THSD1: variants seen among roughly 807,000 people sequenced by gnomAD.
THSD1 encodes the protein thrombospondin type-1 domain-containing protein 1.
In THSD1, 34 loss-of-function variants were observed where a neutral mutation model predicts 46.3. The observed-to-expected ratio is 0.74, with a 90% CI of 0.56 to 0.98. The LOEUF is 0.98. Among genes scored for constraint, THSD1 ranks in the 50% least tolerant of loss-of-function variants. The probability of loss-of-function intolerance (pLI) is 0.00; values close to 1 mark genes in which losing one functional copy is unlikely to be tolerated. For missense variants in THSD1, 1,023 were observed against 1,058.3 expected (o/e 0.97, Z 0.46); for synonymous variants, 407 against 416.5 (o/e 0.98, Z 0.28).
intron 3 of THSD1, 83 bp from the exon 4 acceptor site, chr13:52,386,269 C>A: frequency 6.9e-7 from 1 of 1,442,376 alleles, no homozygotes; most frequent in Non-Finnish European, 9.5e-7. Context: ...CAGCAAAACT[C>A]AAATCTCAGG....
intron 3 of THSD1, among the ~76,000 whole-genome samples, chr13:52,392,220 A>G (rs1270566919): frequency 6.7e-6 from 1 of 149,966 alleles, no homozygotes; most frequent in Non-Finnish European, 1.5e-5. Flanking sequence ...AAGTAAAATC[A>G]TAGCATGTAG....
intron 3 of THSD1, among the ~76,000 whole-genome samples, chr13:52,396,319 C>G (rs999639863): frequency 6.6e-5 from 10 of 152,018 alleles, no homozygotes; most frequent in Admixed American, 2.0e-4. Context: ...GTCAGGAGAT[C>G]GAGACCATCC....
At chr13:52,392,565 T>C (rs1309898619) in intron 3 of THSD1, among the ~76,000 whole-genome samples, 1 of 152,260 alleles carries the variant, frequency 6.6e-6, no homozygotes, top group Non-Finnish European at 1.5e-5. Flanking sequence ...ATACATGTGC[T>C]CACACTACAT....
Position 52,377,656 on chromosome 13 carries a change from T to C in THSD1, c.2314A>G (p.Arg772Gly). 1 of 1,610,276 alleles carries C rather than the reference T, an allele frequency of 6.2e-7. No individual in the cohort carries two copies. The part of the protein sequence containing the change: ...GPSPSHKSVS[R>G]KQSSPISPKD... ...GGGGATATGGGAGAAGACTGCTTCC[T>C]TGAGACACTCTTGTGACTGGGGGAC... The change falls in exon 5 of 5, where the codon AGG becomes GGG. Residue 772 changes from arginine to glycine, a missense_variant. Transcript: ENST00000258613.
chr13:52,405,033 G>C (rs1401349731), intron 1 of THSD1, among the ~76,000 whole-genome samples: 7 of 152,106 alleles, frequency 4.6e-5, no homozygotes, highest in Non-Finnish European at 1.0e-4. Context: ...TCAACATGTT[G>C]TTCTCAATAC....
chr13:52,388,534 A>G (rs1381644831), intron 3 of THSD1, among the ~76,000 whole-genome samples: 1 of 152,204 alleles, frequency 6.6e-6, no homozygotes, highest in Non-Finnish European at 1.5e-5. Flanking sequence ...GATGGAGTGC[A>G]ATGGTGCGAT....
Position 52,394,613 on chromosome 13 carries a change from G to GAAAA in THSD1, c.1021+2615_1021+2618dup, listed in dbSNP as rs747265774. On this transcript the variant is annotated intron_variant, in intron 3 of 4. Coordinates refer to ENST00000258613, the MANE Select transcript of THSD1 (RefSeq NM_018676.4). ...TGGGCAACAGAGCAAGACTGTCCCA[G>GAAAA]AAAAAAAAAAAAAAAAGAATATCTT... Among the ~76,000 whole-genome samples the GAAAA allele has an allele frequency of 4.6e-5, 5 of 109,172 alleles. No homozygotes were observed. The East Asian group carries it at 1.1e-3, about 23-fold the overall frequency. 71.6% of individuals were successfully genotyped at this position (109,172 alleles called of 152,430 possible). A position where few individuals can be genotyped will look rare whatever the true frequency, so the allele number is the denominator to read the frequency against.
intron 2 of THSD1, chr13:52,398,522 A>G (rs926081591): frequency 1.0e-6 from 1 of 981,480 alleles, no homozygotes; most frequent in Non-Finnish European, 1.2e-6. Context: ...GATTATAGAC[A>G]TGAGCCACTG....
At chr13:52,402,504 A>T in intron 2 of THSD1, 39 bp downstream of exon 2, 1 of 1,590,432 alleles carries the variant, frequency 6.3e-7, no homozygotes, top group Non-Finnish European at 8.6e-7. Flanking sequence ...TTTATGTCTT[A>T]TTGCTACCAG....
chr13:52,398,553 T>C (rs1779798443), intron 2 of THSD1: 1 of 985,204 alleles, frequency 1.0e-6, no homozygotes, highest in Admixed American at 6.2e-5. Context: ...AAAACAGCAT[T>C]TTAGACAAGA....
chr13:52,404,718 C>G (rs1276410960), intron 1 of THSD1, among the ~76,000 whole-genome samples: 2 of 152,160 alleles, frequency 1.3e-5, no homozygotes, highest in African/African-American at 4.8e-5. Flanking sequence ...GACCTGGTAA[C>G]CAAACTAAGA....
chr13:52,377,298 T>A lies in THSD1; in HGVS notation c.*113A>T. 2 of 1,398,752 alleles carry A rather than the reference T, an allele frequency of 1.4e-6. No individual in the cohort carries two copies. Among genetic ancestry groups the A allele is most frequent in the Non-Finnish European group, 1.9e-6 (2 of 1,070,752 alleles). The allele number at this position is 1,398,752 out of a possible 1,614,324, so 86.6% of individuals were successfully genotyped here. On this transcript the variant is annotated 3_prime_UTR_variant, in exon 5 of 5. Coordinates refer to ENST00000258613, the MANE Select transcript of THSD1 (RefSeq NM_018676.4). ...ACACATGCATACACACACATCCTCCTCTGTGTGTTACTTCCTCCTCACATT... is the reference window on the plus strand; with the variant it reads ...ACACATGCATACACACACATCCTCCACTGTGTGTTACTTCCTCCTCACATT...
At chr13:52,405,283 T>C (rs926020529) in intron 1 of THSD1, among the ~76,000 whole-genome samples, 1 of 152,180 alleles carries the variant, frequency 6.6e-6, no homozygotes, top group African/African-American at 2.4e-5. Flanking sequence ...GACAAACGCT[T>C]CTAAATCTCC....
chr13:52,390,361 T>C (rs764748861), intron 3 of THSD1, among the ~76,000 whole-genome samples: 2 of 152,046 alleles, frequency 1.3e-5, no homozygotes, highest in Non-Finnish European at 2.9e-5. Flanking sequence ...AGCCAAGTGG[T>C]GCAATCTTTG....
Position 52,378,058 on chromosome 13 carries a change from C to G in THSD1, c.1912G>C (p.Gly638Arg). Residue 638 changes from glycine (G) to arginine (R), a missense_variant, in exon 5 of 5, where the codon GGC (glycine) becomes CGC (arginine). This residue lies in a region of THSD1 where 578 missense variants were observed against 497.4 expected (regional missense o/e 1.16). Coordinates refer to ENST00000258613, the MANE Select transcript of THSD1 (RefSeq NM_018676.4). ...SQARHVGSRG[G>R]PSERSHARNA... is the part of the protein sequence containing the mutation. ...CTGGCATGGCTCCTTTCGGACGGGC[C>G]CCCTCTGCTGCCCACGTGCCTTGCC... 6.2e-7 allele frequency: 1 copy of G among 1,614,106 alleles called. No individual in the cohort carries two copies. The highest frequency in any genetic ancestry group is 8.5e-7 in the Non-Finnish European group (1 of 1,180,022).
In THSD1 at chr13:52,397,903, C is replaced by G; in HGVS notation, c.350G>C (p.Trp117Ser). Residue 117 changes from tryptophan to serine, a missense_variant, in exon 3 of 5, where the codon TGG (tryptophan) becomes TCG (serine). By Grantham distance (177) the Trp-to-Ser change is radical (BLOSUM62 -3). Transcript: ENST00000258613. ...CACCTTCAGAAAGGCACTTTTCTCC[C>G]ACCAGGGGAATGGAGTGCTGTTGTC... is the stretch of plus-strand genomic sequence containing the variant. ...ATDNSTPFPW[W>S]EKSAFLKVEW... 1 of 1,614,246 alleles carries G rather than the reference C, an allele frequency of 6.2e-7. No individual in the cohort carries two copies. Among genetic ancestry groups the G allele is most frequent in the Non-Finnish European group, 8.5e-7 (1 of 1,180,044 alleles).
chr13:52,384,443 A>C, intron 4 of THSD1: 1 of 455,934 alleles, frequency 2.2e-6, no homozygotes. Context: ...TGGAAATAAG[A>C]ATATGCCTAC....
chr13:52,378,975 G>GC (rs1462426917), intron 4 of THSD1, among the ~76,000 whole-genome samples, 186 bp from the exon 5 acceptor site: 1 of 148,592 alleles, frequency 6.7e-6, no homozygotes, highest in Non-Finnish European at 1.5e-5. Flanking sequence ...CAATTCTCCT[G>GC]CCTCAGCCTC....
intron 1 of THSD1, among the ~76,000 whole-genome samples, chr13:52,403,524 T>C (rs1179512047): frequency 1.3e-5 from 2 of 152,194 alleles, no homozygotes; most frequent in African/African-American, 4.8e-5. Context: ...CTCTGTCGCC[T>C]AGGCTGGAGT....
Sources: allele counts gnomAD v4.1 joint callset (sites outside exome capture counted in the v4.1 genomes callset), GRCh38; gene constraint gnomAD v4.1.1; regional missense constraint gnomAD v4.1.1; transcripts MANE v1.5; gene names NCBI Gene and HGNC (gene_info 2026-07-23, HGNC 2026-07-21).